EXOC6: variants seen among roughly 807,000 people sequenced by gnomAD.
EXOC6 encodes SEC15-like 1.
In EXOC6, 60 loss-of-function variants were observed where a neutral mutation model predicts 112.5. The observed-to-expected ratio is 0.53, with a 90% CI of 0.43 to 0.66. The LOEUF (loss-of-function observed/expected upper bound fraction) is 0.66, where lower values mean the gene tolerates loss of function less well. Among genes scored for constraint, EXOC6 ranks in the 30% least tolerant of loss-of-function variants. The pLI is 0.00. For missense variants in EXOC6, 855 were observed against 957.1 expected, an observed-to-expected ratio of 0.89 and a Z score of 1.41; for synonymous variants, 295 against 308.0, an observed-to-expected ratio of 0.96 and a Z score of 0.44.
chr10:92,937,062 A>AT (rs1252740688), intron 12 of EXOC6, among the ~76,000 whole-genome samples: 1 of 152,168 alleles, frequency 6.6e-6, no homozygotes, highest in Non-Finnish European at 1.5e-5. Flanking sequence ...AGAACTCAAT[A>AT]TTTTTGTGAT....
chr10:92,905,683 T>G (rs1415140373), intron 5 of EXOC6, among the ~76,000 whole-genome samples: 1 of 152,086 alleles, frequency 6.6e-6, no homozygotes, highest in Non-Finnish European at 1.5e-5. Flanking sequence ...AGCATCTTGT[T>G]TCTCACCATT....
intron 20 of EXOC6, among the ~76,000 whole-genome samples, chr10:93,031,010 G>A (rs1260273048): frequency 1.3e-5 from 2 of 152,112 alleles, no homozygotes; most frequent in African/African-American, 2.4e-5. Context: ...AAAAAATGCT[G>A]TAAGTCCTTT....
At position 93,007,482 on chromosome 10, in the gene EXOC6, C is replaced by T. The variant is rs549483388; in HGVS notation, c.2096-6712C>T. ...CCTGGCCAACATGATGAAACCCCGT[C>T]TCTATTAAAAATACAAAAAAATTAG... is the stretch of plus-strand genomic sequence containing the variant. On this transcript the variant is annotated intron_variant, in intron 19 of 21. Transcript: ENST00000260762. Among the ~76,000 whole-genome samples the T allele has an allele frequency of 5.4e-4, 82 of 152,072 alleles. 1 individual carries two copies. In the South Asian group the frequency reaches 9.6e-3, roughly 18 times the overall value.
At chr10:92,852,934 TA>T (rs538981973) in intron 1 of EXOC6, among the ~76,000 whole-genome samples, 5 of 151,172 alleles carry the variant, frequency 3.3e-5, no homozygotes, top group Non-Finnish European at 7.4e-5. Context: ...TAAGACCATT[TA>T]AAAAAAAAGC....
chr10:92,955,485 TAC>T (rs1853643244), intron 16 of EXOC6, 93 bp from the exon 17 acceptor site: 1 of 983,822 alleles, frequency 1.0e-6, no homozygotes, highest in African/African-American at 1.6e-5. Flanking sequence ...GTAGAAATGG[TAC>T]AGTTGCTGGA....
chr10:92,950,937 A>G (rs532925918), intron 14 of EXOC6, among the ~76,000 whole-genome samples: 1 of 152,284 alleles, frequency 6.6e-6, no homozygotes, highest in East Asian at 1.9e-4. Flanking sequence ...TGGTCATTGA[A>G]GCTGATTTGA....
chr10:92,951,377 G>A (rs1369032573), intron 14 of EXOC6, among the ~76,000 whole-genome samples: 4 of 152,146 alleles, frequency 2.6e-5, no homozygotes, highest in African/African-American at 9.7e-5. Context: ...AAGAAATAGA[G>A]TAGGTAGAGA....
At chr10:92,892,930 CTTG>C (rs1166837462) in intron 1 of EXOC6, among the ~76,000 whole-genome samples, 1 of 152,110 alleles carries the variant, frequency 6.6e-6, no homozygotes, top group African/African-American at 2.4e-5. Flanking sequence ...ACTTTGTAGC[CTTG>C]TTGTGGGGAT....
Position 92,934,053 on chromosome 10 carries a change from AT to A in EXOC6, c.973-90del. 16 of 758,986 alleles carry A rather than the reference AT, an allele frequency of 2.1e-5. No individual in the cohort carries two copies. The South Asian group carries it at 2.8e-4, about 14-fold the overall frequency. 47.0% of individuals were successfully genotyped at this position (758,986 alleles called of 1,614,324 possible). ...GTGGCATATAGTAGACTCTCAATAA[AT>A]ATTTGTTAATGAAGTTGTAGTGACT... On this transcript the variant is annotated intron_variant, in intron 9 of 21. Transcript: ENST00000260762.
Position 93,054,490 on chromosome 10 carries a change from A to G in EXOC6, c.2170-2434A>G, listed in dbSNP as rs1008881221. 3.9e-5 allele frequency among the ~76,000 whole-genome samples: 6 copies of G among 152,380 alleles called. No homozygotes were observed. In the East Asian group the frequency reaches 7.7e-4, roughly 20 times the overall value. The stretch of plus-strand genomic sequence containing the variant: ...TATGAAAGCATATAGATTTGTCTAC[A>G]TATGGGCAGGTAGGTTTAATTTTGT... On this transcript the variant is annotated intron_variant, in intron 20 of 21. Coordinates refer to ENST00000260762, the MANE Select transcript of EXOC6 (RefSeq NM_019053.6).
At chr10:92,897,124 A>G (rs140737222) in intron 4 of EXOC6, among the ~76,000 whole-genome samples, 122 of 152,268 alleles carry the variant, frequency 8.0e-4, no homozygotes, top group African/African-American at 2.9e-3. Context: ...ATAAACCTTA[A>G]AAATTGGGTA....
At position 92,896,158 on chromosome 10, in the gene EXOC6, TATATATATATATATATATATATA is replaced by T. The variant is rs1413459587; in HGVS notation, c.412+1139_412+1161del. Among the ~76,000 whole-genome samples, 6 of 21,462 alleles carry T rather than the reference TATATATATATATATATATATATA, an allele frequency of 2.8e-4. 1 individual carries two copies. The highest frequency in any genetic ancestry group is 7.5e-5 in the Non-Finnish European group (1 of 13,360). The allele number at this position is 21,462 out of a possible 152,430, so 14.1% of individuals were successfully genotyped here. A position where few individuals can be genotyped will look rare whatever the true frequency, so the allele number is the denominator to read the frequency against. On this transcript the variant is annotated intron_variant, in intron 4 of 21. Coordinates refer to ENST00000260762, the MANE Select transcript of EXOC6 (RefSeq NM_019053.6). ...GTGTGTATGTATGTGTATATATATA[TATATATATATATATATATATATA>T]TTTTTTTTTTTTTTTTTTTTTTTTT...
chr10:92,832,040 T>G (rs907814365), upstream of EXOC6, among the ~76,000 whole-genome samples: 2 of 152,260 alleles, frequency 1.3e-5, no homozygotes, highest in Non-Finnish European at 2.9e-5. Flanking sequence ...GTGGCATTAT[T>G]TATGAATTTT....
chr10:93,057,229 T>C (rs1846589345), intron 21 of EXOC6, among the ~76,000 whole-genome samples, 193 bp downstream of exon 21: 1 of 152,192 alleles, frequency 6.6e-6, no homozygotes. Flanking sequence ...AAGCAACTGC[T>C]GTTTATATTG....
chr10:92,976,326 C>T (rs1842602562), intron 18 of EXOC6, among the ~76,000 whole-genome samples: 1 of 152,208 alleles, frequency 6.6e-6, no homozygotes, highest in African/African-American at 2.4e-5. Flanking sequence ...TTGTTCTGTA[C>T]TAAGAAAAAT....
At chr10:92,940,239 G>A (rs1391031998) in intron 12 of EXOC6, among the ~76,000 whole-genome samples, 1 of 152,106 alleles carries the variant, frequency 6.6e-6, no homozygotes, top group Non-Finnish European at 1.5e-5. Context: ...TGAGTTTGGA[G>A]TCGGAAAGAA....
In EXOC6 at chr10:92,999,863, C is replaced by T. The variant is rs557581031; in HGVS notation, c.2095+2248C>T. Among the ~76,000 whole-genome samples, 15 of 151,982 alleles carry T rather than the reference C, an allele frequency of 9.9e-5. No individual in the cohort carries two copies. In the South Asian group the frequency reaches 2.5e-3, roughly 25 times the overall value. On this transcript the variant is annotated intron_variant, in intron 19 of 21. Coordinates refer to ENST00000260762, the MANE Select transcript of EXOC6 (RefSeq NM_019053.6). Reference sequence around the variant, plus strand: ...GACTATAGGTGCCTGCCACCAGGCCCGGCTAATTTTTTGTATTTTTAATAG... The same window carrying T: ...GACTATAGGTGCCTGCCACCAGGCCTGGCTAATTTTTTGTATTTTTAATAG...
At chr10:92,910,011 T>C (rs1282052503) in intron 6 of EXOC6, among the ~76,000 whole-genome samples, 1 of 152,166 alleles carries the variant, frequency 6.6e-6, no homozygotes, top group East Asian at 1.9e-4. Flanking sequence ...TTAAAACAAA[T>C]TAAAAGTATT....
intron 5 of EXOC6, among the ~76,000 whole-genome samples, chr10:92,903,549 G>C (rs2133852481): frequency 1.3e-5 from 2 of 151,986 alleles, no homozygotes; most frequent in East Asian, 3.9e-4. Flanking sequence ...AGATCTCTAA[G>C]TGTCATAAGT....
Sources: allele counts gnomAD v4.1 joint callset (sites outside exome capture counted in the v4.1 genomes callset), GRCh38; gene constraint gnomAD v4.1.1; transcripts MANE v1.5; gene names NCBI Gene and HGNC (gene_info 2026-07-23, HGNC 2026-07-21).